Variants in VEPH1 observed in about 807,000 individuals in gnomAD.
The protein encoded by VEPH1 is ventricular zone expressed PH domain containing 1.
A neutral mutation model predicts 85.2 loss-of-function variants in VEPH1; 80 were observed. That is an observed-to-expected ratio of 0.94 (90% CI 0.78 to 1.13). The LOEUF (loss-of-function observed/expected upper bound fraction) is 1.13. Ranked by LOEUF, VEPH1 falls within the 50% of genes most tolerant of loss-of-function variation. VEPH1 has a pLI of 0.00. For missense variants in VEPH1, 955 were observed against 980.5 expected, an observed-to-expected ratio of 0.97 and a Z score of 0.35; for synonymous variants, 297 against 348.0, an observed-to-expected ratio of 0.85 and a Z score of 1.63.
At chr3:157,447,712 A>G (rs1209510923) in intron 4 of VEPH1, among the ~76,000 whole-genome samples, 5 of 150,802 alleles carry the variant, frequency 3.3e-5, no homozygotes, top group Non-Finnish European at 7.4e-5. Context: ...CTTCTGCCTC[A>G]GCCTCCTGAG....
chr3:157,465,937 C>T (rs983015801), intron 3 of VEPH1, among the ~76,000 whole-genome samples: 1 of 152,182 alleles, frequency 6.6e-6, no homozygotes, highest in Non-Finnish European at 1.5e-5. Flanking sequence ...TGATTAAATA[C>T]ATGGCAATGG....
chr3:157,437,476 G>A, intron 4 of VEPH1: 1 of 1,575,634 alleles, frequency 6.3e-7, no homozygotes, highest in Non-Finnish European at 8.6e-7. Context: ...AGGCAGGCCT[G>A]GGCGGGCTGC....
chr3:157,369,824 A>G (rs537489153), intron 7 of VEPH1, among the ~76,000 whole-genome samples: 66 of 152,322 alleles, frequency 4.3e-4, no homozygotes, highest in South Asian at 1.7e-3. Context: ...TTTTCCTGAG[A>G]TAAACTTCTG....
intron 12 of VEPH1, among the ~76,000 whole-genome samples, chr3:157,277,712 A>G (rs1435453040): frequency 6.6e-6 from 1 of 152,244 alleles, no homozygotes; most frequent in African/African-American, 2.4e-5. Context: ...ATATATGTGT[A>G]CATATCCATG....
intron 9 of VEPH1, among the ~76,000 whole-genome samples, chr3:157,319,363 G>A (rs1237810677): frequency 6.6e-6 from 1 of 152,178 alleles, no homozygotes; most frequent in Non-Finnish European, 1.5e-5. Context: ...CAGGAGGTCT[G>A]GCACTGAGAA....
rs559496372 is a variant in VEPH1, at chr3:157,414,546, G to T, written c.697-456C>A. 2.6e-5 allele frequency among the ~76,000 whole-genome samples: 4 copies of T among 152,150 alleles called. No individual in the cohort carries two copies. The East Asian group carries it at 7.7e-4, about 29-fold the overall frequency. On this transcript the variant is annotated intron_variant, in intron 5 of 13. Transcript: ENST00000362010. ...TTTAATAAATAAAAATAAGAAAGCA[G>T]AAAAGATCTCCCACATTTTCTTCAA...
intron 11 of VEPH1, among the ~76,000 whole-genome samples, chr3:157,311,221 A>G (rs1012387146): frequency 5.9e-5 from 9 of 152,162 alleles, no homozygotes; most frequent in Non-Finnish European, 1.2e-4. Flanking sequence ...TTAAAAAGCA[A>G]CCACAATAAC....
chr3:157,449,203 A>G (rs1309802161), intron 4 of VEPH1, among the ~76,000 whole-genome samples: 1 of 152,226 alleles, frequency 6.6e-6, no homozygotes, highest in Non-Finnish European at 1.5e-5. Context: ...GGAAACATTA[A>G]TATTTCCCTA....
chr3:157,404,445 G>A (rs1731007804), intron 6 of VEPH1, among the ~76,000 whole-genome samples: 2 of 152,162 alleles, frequency 1.3e-5, no homozygotes, highest in South Asian at 4.1e-4. Flanking sequence ...GAAAGTCCTA[G>A]AAATGTCTTT....
At position 157,336,686 on chromosome 3, in the gene VEPH1, A is replaced by G. The variant is rs145029012; in HGVS notation, c.1736-19485T>C. Among the ~76,000 whole-genome samples, 532 of 152,362 alleles carry G rather than the reference A, an allele frequency of 3.5e-3. 4 individuals carry two copies. Among genetic ancestry groups the G allele is most frequent in the African/African-American group, 0.012 (492 of 41,596 alleles). On this transcript the variant is annotated intron_variant, in intron 9 of 13. Transcript: ENST00000362010. ...CTCGCATGGAGGATCAGAAACCCCTACACTCCATCTAACACAAAACTCCAG... is the reference window on the plus strand; with the variant it reads ...CTCGCATGGAGGATCAGAAACCCCTGCACTCCATCTAACACAAAACTCCAG...
chr3:157,492,952 CTCA>C (rs1739348330), intron 2 of VEPH1, among the ~76,000 whole-genome samples: 1 of 152,058 alleles, frequency 6.6e-6, no homozygotes, highest in Non-Finnish European at 1.5e-5. Context: ...GGGCACCGTC[CTCA>C]TGATAAATCA....
At chr3:157,278,378 C>T (rs1715672085) in intron 12 of VEPH1, among the ~76,000 whole-genome samples, 1 of 152,160 alleles carries the variant, frequency 6.6e-6, no homozygotes, top group African/African-American at 2.4e-5. Flanking sequence ...GTCTGAGAAA[C>T]TTTAAGAGTG....
At chr3:157,357,846 C>A (rs1725618470) in intron 9 of VEPH1, among the ~76,000 whole-genome samples, 2 of 152,090 alleles carry the variant, frequency 1.3e-5, no homozygotes, top group South Asian at 4.1e-4. Flanking sequence ...GGAAACCAAG[C>A]TTTTTCTTTA....
intron 11 of VEPH1, among the ~76,000 whole-genome samples, chr3:157,294,854 T>A (rs746057427): frequency 6.6e-6 from 1 of 152,156 alleles, no homozygotes; most frequent in African/African-American, 2.4e-5. Flanking sequence ...CTAGAGAGAT[T>A]TATTTTCCCA....
chr3:157,502,590 T>C (rs1740200235), intron 1 of VEPH1, among the ~76,000 whole-genome samples: 1 of 152,192 alleles, frequency 6.6e-6, no homozygotes, highest in South Asian at 2.1e-4. Context: ...TGTATCTTCA[T>C]TTACATTTAA....
At chr3:157,282,668 C>A (rs1716288587) in intron 12 of VEPH1, among the ~76,000 whole-genome samples, 1 of 152,144 alleles carries the variant, frequency 6.6e-6, no homozygotes, top group African/African-American at 2.4e-5. Flanking sequence ...GTTCTTCCTC[C>A]TACTTTAACA....
rs548287196 is a variant in VEPH1, at chr3:157,335,936, T to C, written c.1736-18735A>G. Reference sequence around the variant, plus strand: ...TCACTACATAGCCCACTAGGCACCATGGCTACCAGCCTCCCTCTGCCTGCT... The same window carrying C: ...TCACTACATAGCCCACTAGGCACCACGGCTACCAGCCTCCCTCTGCCTGCT... On this transcript the variant is annotated intron_variant, in intron 9 of 13. Transcript: ENST00000362010. Among the ~76,000 whole-genome samples the C allele has an allele frequency of 2.0e-5, 3 of 152,274 alleles. No individual in the cohort carries two copies. In the East Asian group the frequency reaches 5.8e-4, roughly 29 times the overall value.
intron 9 of VEPH1, among the ~76,000 whole-genome samples, chr3:157,354,340 C>T (rs1329897414): frequency 6.6e-6 from 1 of 152,138 alleles, no homozygotes; most frequent in Non-Finnish European, 1.5e-5. Flanking sequence ...CACATTCTTC[C>T]TCTAGTCTTA....
chr3:157,434,479 T>C (rs1168019869), intron 4 of VEPH1, among the ~76,000 whole-genome samples: 1 of 152,120 alleles, frequency 6.6e-6, no homozygotes, highest in Non-Finnish European at 1.5e-5. Flanking sequence ...ACCAGATTAA[T>C]TTTTAAATTT....
Sources: gnomAD v4.1 joint callset for allele counts (sites outside exome capture counted in the v4.1 genomes callset) on GRCh38, gnomAD v4.1.1 for gene constraint, MANE v1.5 for transcripts, NCBI Gene and HGNC (gene_info 2026-07-23, HGNC 2026-07-21) for gene names.